The following AGBL4 variants were observed in gnomAD, a reference collection of about 807,000 sequenced individuals.
AGBL4 encodes AGBL carboxypeptidase 4.
AGBL4 carries 58 observed loss-of-function variants against 66.4 expected under a neutral mutation model. The ratio of observed to expected loss-of-function variants is 0.87; its 90% CI spans 0.71 to 1.09. The LOEUF (loss-of-function observed/expected upper bound fraction) is 1.09. AGBL4 is among the 50% of genes least tolerant of loss of function. The pLI is 0.00. For missense variants in AGBL4, 579 were observed against 631.0 expected (o/e 0.92, Z 0.88); for synonymous variants, 234 against 222.9 (o/e 1.05, Z -0.44).
intron 2 of AGBL4, among the ~76,000 whole-genome samples, chr1:49,822,310 CGTGTGT>C (rs143957066): frequency 2.7e-5 from 4 of 145,794 alleles, no homozygotes; most frequent in Admixed American, 6.8e-5. Context: ...CTTCTTTCTT[CGTGTGT>C]GTGTGTGTGT....
In AGBL4 at chr1:49,453,994, G is replaced by A. The variant is rs186421660; in HGVS notation, c.283-208130C>T. On this transcript the variant is annotated intron_variant, in intron 3 of 13. Transcript: ENST00000371839. ...TCATTAGTGATTTTAAAATTTATCCGGAGCTATTTATTCCAGTACCCCCAT... is the reference window on the plus strand; with the variant it reads ...TCATTAGTGATTTTAAAATTTATCCAGAGCTATTTATTCCAGTACCCCCAT... 1.0e-3 allele frequency among the ~76,000 whole-genome samples: 157 copies of A among 151,774 alleles called. 1 individual carries two copies. The highest frequency in any genetic ancestry group is 3.1e-3 in the South Asian group (15 of 4,816).
chr1:49,548,367 C>T (rs1652676826), intron 3 of AGBL4, among the ~76,000 whole-genome samples: 1 of 152,138 alleles, frequency 6.6e-6, no homozygotes, highest in Non-Finnish European at 1.5e-5. Context: ...GAGTGGGCAT[C>T]CTTGTCTTGT....
At chr1:48,895,706 A>G (rs1267747991) in intron 5 of AGBL4, among the ~76,000 whole-genome samples, 2 of 152,156 alleles carry the variant, frequency 1.3e-5, no homozygotes, top group Admixed American at 1.3e-4. Flanking sequence ...GGTAGGTCCC[A>G]CTGGAGACCC....
intron 3 of AGBL4, among the ~76,000 whole-genome samples, chr1:49,623,942 A>G (rs1372355282): frequency 6.6e-6 from 1 of 151,830 alleles, no homozygotes. Context: ...TTGGGGTCCC[A>G]TTTTTCTCAT....
chr1:48,646,867 C>T (rs1375081307), intron 8 of AGBL4, among the ~76,000 whole-genome samples: 1 of 152,074 alleles, frequency 6.6e-6, no homozygotes, highest in Non-Finnish European at 1.5e-5. Context: ...GCTGTGAGGA[C>T]TAAATGAAAC....
chr1:49,448,776 A>G (rs1485090554), intron 3 of AGBL4, among the ~76,000 whole-genome samples: 1 of 152,192 alleles, frequency 6.6e-6, no homozygotes, highest in African/African-American at 2.4e-5. Flanking sequence ...GAAATAGAAC[A>G]TATTTAAGAC....
intron 6 of AGBL4, among the ~76,000 whole-genome samples, chr1:48,794,015 T>C (rs1212162862): frequency 6.6e-6 from 1 of 152,190 alleles, no homozygotes; most frequent in South Asian, 2.1e-4. Context: ...TCCAGCCACA[T>C]AGGCACTTCA....
chr1:48,548,656 C>G (rs932557900), intron 11 of AGBL4, among the ~76,000 whole-genome samples: 9 of 152,204 alleles, frequency 5.9e-5, no homozygotes, highest in Admixed American at 5.2e-4. Flanking sequence ...ATACTTCTCA[C>G]TCCCTGCAGC....
intron 2 of AGBL4, among the ~76,000 whole-genome samples, chr1:49,768,272 C>G (rs1254622505): frequency 6.6e-6 from 1 of 151,816 alleles, no homozygotes; most frequent in Non-Finnish European, 1.5e-5. Flanking sequence ...CACAAAAATC[C>G]TCAAAAAAAA....
Position 49,373,173 on chromosome 1 carries a change from A to G in AGBL4, c.283-127309T>C, listed in dbSNP as rs552857537. 4.0e-4 allele frequency among the ~76,000 whole-genome samples: 61 copies of G among 152,324 alleles called. 1 individual carries two copies. In the South Asian group the frequency reaches 7.7e-3, roughly 19 times the overall value. ...ATACAACTCTCCCACTTTGTCCTGT[A>G]TAACAGTTATTTAGATATTTAAATA... On this transcript the variant is annotated intron_variant, in intron 3 of 13. Coordinates refer to ENST00000371839, the MANE Select transcript of AGBL4 (RefSeq NM_032785.4).
chr1:49,256,364 C>G (rs1368496965), intron 3 of AGBL4, among the ~76,000 whole-genome samples: 11 of 151,888 alleles, frequency 7.2e-5, no homozygotes, highest in Admixed American at 7.2e-4. Context: ...AAAGTCAATA[C>G]TTAAAAATCA....
intron 11 of AGBL4, among the ~76,000 whole-genome samples, chr1:48,549,436 A>G (rs993573365): frequency 1.3e-5 from 2 of 152,070 alleles, no homozygotes; most frequent in African/African-American, 4.8e-5. Flanking sequence ...CCCCTAGGTA[A>G]GAAGACCTGT....
At chr1:48,653,507 A>G in intron 7 of AGBL4, 56 bp from the exon 8 acceptor site, 1 of 1,337,794 alleles carries the variant, frequency 7.5e-7, no homozygotes, top group South Asian at 1.3e-5. Context: ...AGAAGGAAAC[A>G]CATTTTTCTC....
chr1:48,544,933 G>T (rs1454452483), intron 11 of AGBL4, among the ~76,000 whole-genome samples: 1 of 152,160 alleles, frequency 6.6e-6, no homozygotes, highest in South Asian at 2.1e-4. Flanking sequence ...AAGTTTTGGG[G>T]AGATTTTCTA....
chr1:49,152,061 A>G (rs1455311573), intron 4 of AGBL4, among the ~76,000 whole-genome samples: 2 of 152,220 alleles, frequency 1.3e-5, no homozygotes, highest in Non-Finnish European at 2.9e-5. Flanking sequence ...TATGTCAAGT[A>G]TCTTACATAT....
chr1:48,789,440 C>T (rs982200052), intron 6 of AGBL4, among the ~76,000 whole-genome samples: 1 of 152,076 alleles, frequency 6.6e-6, no homozygotes, highest in South Asian at 2.1e-4. Context: ...AGGCGCCCGC[C>T]ACCACGCTTG....
chr1:49,528,051 G>A (rs995864763), intron 3 of AGBL4, among the ~76,000 whole-genome samples: 1 of 151,972 alleles, frequency 6.6e-6, no homozygotes, highest in Non-Finnish European at 1.5e-5. Flanking sequence ...CTCTGGGTAC[G>A]TAGTCCCCTA....
chr1:49,011,474 G>A (rs1007498109), intron 5 of AGBL4, among the ~76,000 whole-genome samples: 8 of 152,154 alleles, frequency 5.3e-5, no homozygotes, highest in Non-Finnish European at 7.3e-5. Context: ...TCAGTGTGGC[G>A]ATTCCTCAGG....
chr1:49,883,255 C>T (rs1385396957), intron 1 of AGBL4, among the ~76,000 whole-genome samples: 1 of 151,960 alleles, frequency 6.6e-6, no homozygotes, highest in Non-Finnish European at 1.5e-5. Flanking sequence ...AATATTGGAA[C>T]TCTTTATTAT....
Sources: allele counts gnomAD v4.1 joint callset (sites outside exome capture counted in the v4.1 genomes callset), GRCh38; gene constraint gnomAD v4.1.1; transcripts MANE v1.5; gene names NCBI Gene and HGNC (gene_info 2026-07-23, HGNC 2026-07-21).